ARAP2: variants seen among roughly 807,000 people sequenced by gnomAD.
ARAP2 encodes arf-GAP with Rho-GAP domain, ANK repeat and PH domain-containing protein 2.
ARAP2 carries 148 observed loss-of-function variants against 194.5 expected under a neutral mutation model. The observed-to-expected ratio is 0.76, with a 90% CI of 0.67 to 0.87. The LOEUF (loss-of-function observed/expected upper bound fraction) is 0.87. Among genes scored for constraint, ARAP2 ranks in the 40% least tolerant of loss-of-function variants. ARAP2 has a pLI of 0.00. For synonymous variants in ARAP2, 695 were observed against 683.5 expected (o/e 1.02, Z -0.26); for missense variants, 2,128 against 1,989.7 (o/e 1.07, Z -1.32).
intron 1 of ARAP2, among the ~76,000 whole-genome samples, chr4:36,231,312 G>GAGAC (rs1172210174): frequency 6.6e-6 from 1 of 151,866 alleles, no homozygotes; most frequent in East Asian, 1.9e-4. Flanking sequence ...CTCCAGCCTG[G>GAGAC]AGACAGAGCG....
intron 5 of ARAP2, among the ~76,000 whole-genome samples, chr4:36,023,354 C>G (rs1447988073): frequency 6.6e-6 from 1 of 152,028 alleles, no homozygotes; most frequent in Non-Finnish European, 1.5e-5. Context: ...ATGAGGTTTT[C>G]CATCATGTCA....
intron 7 of ARAP2, among the ~76,000 whole-genome samples, chr4:36,191,615 A>G (rs1381840114): frequency 1.3e-5 from 2 of 151,944 alleles, no homozygotes; most frequent in East Asian, 1.9e-4. Context: ...TAAAGACAAT[A>G]AAGAAAAAAA....
intron 8 of ARAP2, among the ~76,000 whole-genome samples, chr4:36,012,989 T>C (rs1200815081): frequency 1.3e-5 from 2 of 152,198 alleles, no homozygotes; most frequent in Non-Finnish European, 2.9e-5. Context: ...TTTGTAAATA[T>C]AATGCCTTTT....
At chr4:36,191,418 G>T (rs1415604694) in intron 7 of ARAP2, among the ~76,000 whole-genome samples, 1 of 151,414 alleles carries the variant, frequency 6.6e-6, no homozygotes, top group Non-Finnish European at 1.5e-5. Context: ...TAGAATAATA[G>T]AAAAAAATAA....
chr4:36,114,507 G>T (rs1417933685), intron 25 of ARAP2, among the ~76,000 whole-genome samples: 1 of 151,952 alleles, frequency 6.6e-6, no homozygotes, highest in Non-Finnish European at 1.5e-5. Flanking sequence ...AGACATAAGA[G>T]AATTTTTTAA....
intron 9 of ARAP2, among the ~76,000 whole-genome samples, chr4:36,177,536 G>A (rs570021467): frequency 4.5e-4 from 68 of 151,932 alleles, no homozygotes; most frequent in Admixed American, 3.1e-3. Context: ...TCATGTAGTC[G>A]TACAATGTCA....
intron 8 of ARAP2, among the ~76,000 whole-genome samples, chr4:36,183,648 G>A (rs549649733): frequency 6.6e-6 from 1 of 152,354 alleles, no homozygotes; most frequent in African/African-American, 2.4e-5. Flanking sequence ...ACGAATTCCA[G>A]TGACTCTGCT....
intron 6 of ARAP2, among the ~76,000 whole-genome samples, chr4:36,208,225 A>G (rs943132221): frequency 3.3e-5 from 5 of 152,178 alleles, no homozygotes; most frequent in African/African-American, 1.2e-4. Context: ...AGAGAGGTTC[A>G]AGCCATGTTA....
intron 31 of ARAP2, 24 bp from the exon 32 acceptor site, chr4:36,073,847 G>T: frequency 6.2e-7 from 1 of 1,611,466 alleles, no homozygotes; most frequent in Non-Finnish European, 8.5e-7. Context: ...ATTTCTTGCT[G>T]TTGGTGTGTG....
At chr4:36,042,738 T>C (rs1307499731) in intron 5 of ARAP2, among the ~76,000 whole-genome samples, 1 of 152,196 alleles carries the variant, frequency 6.6e-6, no homozygotes, top group Non-Finnish European at 1.5e-5. Flanking sequence ...ACATCTCCTT[T>C]GTGGATATCA....
chr4:36,244,457 C>G lies in ARAP2; in HGVS notation c.-438G>C, dbSNP rs1044508859. On this transcript the variant is annotated 5_prime_UTR_variant, in exon 1 of 33. Coordinates refer to ENST00000303965, the MANE Select transcript of ARAP2 (RefSeq NM_015230.4). ...CGCGCTCAGCTCCGGAAACGCCGAG[C>G]CCGGCGCCCGCGCCTTGCTCAGGTG... 3 of 150,452 alleles carry G rather than the reference C, an allele frequency of 2.0e-5. No individual in the cohort carries two copies. Among genetic ancestry groups the G allele is most frequent in the African/African-American group, 4.9e-5 (2 of 41,230 alleles). The allele number at this position is 150,452 out of a possible 1,614,324, so 9.3% of individuals were successfully genotyped here.
chr4:36,015,132 C>A (rs909191926), intron 8 of ARAP2, among the ~76,000 whole-genome samples: 1 of 152,084 alleles, frequency 6.6e-6, no homozygotes, highest in Non-Finnish European at 1.5e-5. Context: ...AGAAGTTATT[C>A]CCTCTTATTT....
At chr4:36,056,281 T>C (rs1220982947) in intron 2 of ARAP2, among the ~76,000 whole-genome samples, 2 of 152,244 alleles carry the variant, frequency 1.3e-5, no homozygotes, top group African/African-American at 2.4e-5. Context: ...TTCCCTTGTC[T>C]GGAGTTCATC....
In ARAP2 at chr4:36,133,271, C is replaced by T. The variant is rs756759709; in HGVS notation, c.3382G>A (p.Val1128Ile). Residue 1128 changes from valine to isoleucine, a missense_variant, in exon 20 of 33, where the codon GTT (valine) becomes ATT (isoleucine). Physicochemically the swap from Val to Ile is conservative, Grantham distance 29. Transcript: ENST00000303965. ...ATACAGCTGTTCACTATAATGGGAACGTCATTTTTGCTGAGCTGCTGATCT... is the reference window on the plus strand; with the variant it reads ...ATACAGCTGTTCACTATAATGGGAATGTCATTTTTGCTGAGCTGCTGATCT... ...LQDQQLSKND[V>I]PIIVNSCIAF... 21 of 1,611,172 alleles carry T rather than the reference C, an allele frequency of 1.3e-5. No homozygotes were observed. In the South Asian group the frequency reaches 1.3e-4, roughly 10 times the overall value.
chr4:36,208,006 G>A (rs752967119), intron 6 of ARAP2, among the ~76,000 whole-genome samples: 26 of 152,234 alleles, frequency 1.7e-4, no homozygotes, highest in Admixed American at 1.6e-3. Context: ...GCTAGACAAT[G>A]TTCTGCTAAG....
chr4:36,219,910 T>C (rs1257292852), intron 2 of ARAP2, among the ~76,000 whole-genome samples: 2 of 152,062 alleles, frequency 1.3e-5, no homozygotes, highest in Non-Finnish European at 2.9e-5. Flanking sequence ...ATACTCACTA[T>C]AAGATTGCAA....
intron 27 of ARAP2, among the ~76,000 whole-genome samples, chr4:36,098,193 A>G (rs908061420): frequency 6.6e-6 from 1 of 152,082 alleles, no homozygotes; most frequent in Non-Finnish European, 1.5e-5. Context: ...GGAAGAGGAG[A>G]GAGAAACATA....
At chr4:36,223,572 C>T (rs954173587) in intron 2 of ARAP2, among the ~76,000 whole-genome samples, 15 of 151,982 alleles carry the variant, frequency 9.9e-5, no homozygotes, top group Non-Finnish European at 1.6e-4. Context: ...GTGTCCCTAC[C>T]CCACAAAATT....
intron 5 of ARAP2, among the ~76,000 whole-genome samples, chr4:36,045,316 TA>T (rs1384347129): frequency 1.3e-5 from 2 of 151,964 alleles, no homozygotes; most frequent in African/African-American, 4.8e-5. Context: ...GATAAGTGGG[TA>T]AAAAAACATG....
Sources: gnomAD v4.1 joint callset for allele counts (sites outside exome capture counted in the v4.1 genomes callset) on GRCh38, gnomAD v4.1.1 for gene constraint, MANE v1.5 for transcripts, NCBI Gene and HGNC (gene_info 2026-07-23, HGNC 2026-07-21) for gene names.